TSEN2: variants seen among roughly 807,000 people sequenced by gnomAD.
TSEN2 encodes the protein tRNA splicing endonuclease subunit 2, also known as tRNA-splicing endonuclease subunit Sen2.
A neutral mutation model predicts 59.2 loss-of-function variants in TSEN2; 54 were observed. That is an observed-to-expected ratio of 0.91 (90% CI 0.73 to 1.14). TSEN2 has a LOEUF of 1.14. Among genes scored for constraint, TSEN2 ranks in the 50% most tolerant of loss-of-function variants. TSEN2 has a pLI of 0.00. For missense variants in TSEN2, 636 were observed against 576.2 expected, an observed-to-expected ratio of 1.10 and a Z score of -1.06; for synonymous variants, 195 against 198.2, an observed-to-expected ratio of 0.98 and a Z score of 0.14.
chr3:12,483,029 C>G (rs1397929230), upstream of TSEN2, among the ~76,000 whole-genome samples: 1 of 152,236 alleles, frequency 6.6e-6, no homozygotes, highest in Non-Finnish European at 1.5e-5. Context: ...AGAGGACCCA[C>G]TGAATGCTGC....
chr3:12,537,018 G>A (rs1424457088), downstream of TSEN2, among the ~76,000 whole-genome samples: 2 of 148,972 alleles, frequency 1.3e-5, no homozygotes, highest in Non-Finnish European at 3.0e-5. Context: ...AAAAAAAAAA[G>A]GAATTCGTAG....
intron 8 of TSEN2, among the ~76,000 whole-genome samples, chr3:12,523,440 C>G (rs1453332588): frequency 6.6e-6 from 1 of 150,922 alleles, no homozygotes; most frequent in Non-Finnish European, 1.5e-5. Flanking sequence ...ACTAACAGTT[C>G]TGTCCGTGAA....
chr3:12,518,974 C>T lies in TSEN2; in HGVS notation c.961-85C>T, dbSNP rs1190500972. The T allele has an allele frequency of 7.4e-6, 10 of 1,353,938 alleles. No individual in the cohort carries two copies. The East Asian group carries it at 2.1e-4, about 28-fold the overall frequency. 83.9% of individuals were successfully genotyped at this position (1,353,938 alleles called of 1,614,324 possible). ...TTTTCTTCACTGCTTCAGCTCCACACTTAGTATAGATGTTGGTGCCCTGGC... is the reference window on the plus strand; with the variant it reads ...TTTTCTTCACTGCTTCAGCTCCACATTTAGTATAGATGTTGGTGCCCTGGC... On this transcript the variant is annotated intron_variant, in intron 7 of 11. Transcript: ENST00000284995.
rs1438421973 is a variant in TSEN2 at position 12,492,136 on chromosome 3, G to A, written c.190G>A (p.Gly64Ser). ...AEDIEQLYGKGYFGKGILSRS... is the reference protein window; with the variant it reads ...AEDIEQLYGKSYFGKGILSRS... ...ACTTCATTTTCTCTCTTCCTGGAAG[G>A]GTTATTTTGGAAAAGGTATTCTTTC... Residue 64 changes from glycine to serine, a missense_variant and splice_region_variant, in exon 3 of 12, where the codon GGT becomes AGT. Coordinates refer to ENST00000284995, the MANE Select transcript of TSEN2 (RefSeq NM_025265.4). 7.4e-6 allele frequency: 12 copies of A among 1,613,502 alleles called. No individual in the cohort carries two copies. The highest frequency in any genetic ancestry group is 1.0e-5 in the Non-Finnish European group (12 of 1,179,506).
At chr3:12,530,831 G>GT (rs1386852279) in intron 10 of TSEN2, 2 of 897,616 alleles carry the variant, frequency 2.2e-6, no homozygotes, top group African/African-American at 3.6e-5. Flanking sequence ...TAACAAAACC[G>GT]TTTTTTCTTC....
At chr3:12,486,672 C>T (rs1689054951) in intron 1 of TSEN2, among the ~76,000 whole-genome samples, 1 of 152,148 alleles carries the variant, frequency 6.6e-6, no homozygotes, top group Admixed American at 6.5e-5. Context: ...AAAACATTTT[C>T]GTCACCCTCC....
chr3:12,513,292 AC>A (rs2125115735), intron 6 of TSEN2, among the ~76,000 whole-genome samples: 1 of 152,286 alleles, frequency 6.6e-6, no homozygotes, highest in East Asian at 1.9e-4. Context: ...ATGGGATTGA[AC>A]CTTTTTTTCC....
chr3:12,519,338 G>T, intron 8 of TSEN2, 141 bp downstream of exon 8: 1 of 1,282,900 alleles, frequency 7.8e-7, no homozygotes, highest in Non-Finnish European at 1.1e-6. Context: ...TTGGATATTT[G>T]GATTGGGTTA....
At chr3:12,495,959 G>A (rs1485246540) in intron 3 of TSEN2, among the ~76,000 whole-genome samples, 1 of 152,210 alleles carries the variant, frequency 6.6e-6, no homozygotes, top group African/African-American at 2.4e-5. Context: ...GAGCCCGCCT[G>A]TCAGAACTGC....
At chr3:12,493,332 ACTAG>A (rs1382631531) in intron 3 of TSEN2, among the ~76,000 whole-genome samples, 2 of 152,214 alleles carry the variant, frequency 1.3e-5, no homozygotes, top group African/African-American at 4.8e-5. Flanking sequence ...CATTTTAAGA[ACTAG>A]CTAAACTATT....
intron 7 of TSEN2, among the ~76,000 whole-genome samples, chr3:12,518,688 A>G (rs1281905288): frequency 6.7e-6 from 1 of 148,200 alleles, no homozygotes; most frequent in East Asian, 1.9e-4. Flanking sequence ...AGATATTGAA[A>G]TAGTTTATAT....
intron 6 of TSEN2, among the ~76,000 whole-genome samples, chr3:12,509,480 A>T (rs113598130): frequency 1.9e-3 from 287 of 152,286 alleles, no homozygotes; most frequent in African/African-American, 6.4e-3. Context: ...GATTATAGTC[A>T]TGAGCCACCA....
chr3:12,501,999 T>C (rs1273319748), intron 4 of TSEN2, among the ~76,000 whole-genome samples: 1 of 152,238 alleles, frequency 6.6e-6, no homozygotes, highest in Non-Finnish European at 1.5e-5. Flanking sequence ...CTTCAAGTTT[T>C]AGAAACTTAA....
intron 7 of TSEN2, 42 bp downstream of exon 7, chr3:12,516,703 T>G (rs1360531630): frequency 6.3e-7 from 1 of 1,584,448 alleles, no homozygotes; most frequent in South Asian, 1.1e-5. Context: ...AAAATTTCCC[T>G]GTTGTTAAAA....
exon 11 of TSEN2, chr3:12,539,250 C>T (rs2057755352): frequency 2.6e-6 from 1 of 389,580 alleles, no homozygotes; most frequent in South Asian, 1.9e-5. Context: ...TCTCATGCCT[C>T]AGCCTCCTGA....
In TSEN2 at chr3:12,505,636, A is replaced by G. The variant is rs187877122; in HGVS notation, c.909+405A>G. Reference sequence around the variant, plus strand: ...AAACCCTGTCTCTACCAAAAATACAAAAATTAGAGTGATTGCTCATGCCTG... The same window carrying G: ...AAACCCTGTCTCTACCAAAAATACAGAAATTAGAGTGATTGCTCATGCCTG... On this transcript the variant is annotated intron_variant, in intron 6 of 11. Coordinates refer to ENST00000284995, the MANE Select transcript of TSEN2 (RefSeq NM_025265.4). The G allele has an allele frequency of 9.8e-5, 20 of 204,132 alleles. 1 individual carries two copies. The highest frequency in any genetic ancestry group is 2.0e-5 in the Non-Finnish European group (2 of 98,334). 12.6% of individuals were successfully genotyped at this position (204,132 alleles called of 1,614,324 possible).
intron 10 of TSEN2, chr3:12,530,814 T>C (rs1016442178): frequency 5.2e-6 from 5 of 961,904 alleles, no homozygotes; most frequent in Admixed American, 1.2e-4. Flanking sequence ...GCAACTTTAA[T>C]GTCGTATAAC....
chr3:12,538,234 G>A (rs904443394), downstream of TSEN2, among the ~76,000 whole-genome samples: 7 of 152,266 alleles, frequency 4.6e-5, no homozygotes, highest in South Asian at 1.2e-3. Context: ...AATGTTAAAG[G>A]ATAAAACACA....
At chr3:12,500,693 T>C (rs1373694438) in intron 4 of TSEN2, among the ~76,000 whole-genome samples, 1 of 152,250 alleles carries the variant, frequency 6.6e-6, no homozygotes, top group Non-Finnish European at 1.5e-5. Context: ...TTATGGGCTA[T>C]GCACTTTACG....
Sources: gnomAD v4.1 joint callset for allele counts (sites outside exome capture counted in the v4.1 genomes callset) on GRCh38, gnomAD v4.1.1 for gene constraint, MANE v1.5 for transcripts, NCBI Gene and HGNC (gene_info 2026-07-23, HGNC 2026-07-21) for gene names.